Variants in ALDH3A1 observed in about 807,000 individuals in gnomAD.
ALDH3A1 encodes aldehyde dehydrogenase, dimeric NADP-preferring.
A neutral mutation model predicts 49.9 loss-of-function variants in ALDH3A1; 46 were observed. The observed-to-expected ratio is 0.92, with a 90% CI of 0.73 to 1.18. ALDH3A1 has a LOEUF of 1.18. ALDH3A1 is among the 50% of genes most tolerant of loss of function. The pLI, the probability that ALDH3A1 is intolerant of heterozygous loss-of-function variation, is 0.00. For synonymous variants in ALDH3A1, 269 were observed against 253.3 expected (o/e 1.06, Z -0.59); for missense variants, 592 against 611.8 (o/e 0.97, Z 0.34).
chr17:19,745,135 C>G lies in ALDH3A1; in HGVS notation c.-5-1G>C, dbSNP rs750078082. 3 of 1,570,686 alleles carry G rather than the reference C, an allele frequency of 1.9e-6. No individual in the cohort carries two copies. In the South Asian group the frequency reaches 3.4e-5, roughly 18 times the overall value. ...GCCTCGCTGATCTTGCTCATGGCGC[C>G]TGGGGACAGAGAGCACCTGCAGCTG... On this transcript the variant is annotated splice_acceptor_variant, in intron 1 of 10. Transcript: ENST00000225740. LOFTEE classifies it low-confidence loss of function (5UTR_SPLICE).
Position 19,742,626 on chromosome 17 carries a change from G to A in ALDH3A1, c.399C>T (p.Asn133=), listed in dbSNP as rs200801296. 208 of 1,613,908 alleles carry A rather than the reference G, an allele frequency of 1.3e-4. No individual in the cohort carries two copies. Among genetic ancestry groups the A allele is most frequent in the Non-Finnish European group, 1.6e-4 (191 of 1,179,996 alleles). The part of the protein sequence containing the change: ...QPMVGAIAAG[N]SVVLKPSELS... The stretch of plus-strand genomic sequence containing the variant: ...GCTCCGAGGGCTTGAGGACCACTGA[G>A]TTCCCTGCAGAGCACACCGAGCCAG... The change falls in exon 4 of 11, where the codon AAC becomes AAT. Residue 133 remains asparagine, a synonymous_variant. Transcript: ENST00000225740.
rs201715060 is a variant in ALDH3A1 at position 19,743,188 on chromosome 17, G to T, written c.394+44C>A. On this transcript the variant is annotated intron_variant, in intron 3 of 10. Transcript: ENST00000225740. The surrounding 1 kb of genome is among the most constrained non-coding windows in gnomAD (Gnocchi z 4.4). Reference sequence around the variant, plus strand: ...CCCATCCTGGCTTGGCTCCACGCTGGGGGACGGTGCTCCCCCAGCTTCCCT... The same window carrying T: ...CCCATCCTGGCTTGGCTCCACGCTGTGGGACGGTGCTCCCCCAGCTTCCCT... 12 of 1,608,958 alleles carry T rather than the reference G, an allele frequency of 7.5e-6. No individual in the cohort carries two copies. The highest frequency in any genetic ancestry group is 1.1e-5 in the South Asian group (1 of 90,596).
chr17:19,745,820 G>A (rs1486003325), intron 1 of ALDH3A1: 1 of 152,262 alleles, frequency 6.6e-6, no homozygotes, highest in African/African-American at 2.4e-5. Context: ...TGTGGCAAAA[G>A]TTTTTCAAAC....
Position 19,739,661 on chromosome 17 carries a change from G to A in ALDH3A1, c.963C>T (p.Leu321=), listed in dbSNP as rs151020632. The change falls in exon 8 of 11, where the codon CTC becomes CTT. Residue 321 remains leucine (L), a synonymous_variant. Transcript: ENST00000225740. ...AATRYIAPTI[L]TDVDPQSPVM... ...CCGGGGACTGGGGGTCCACGTCCGT[G>A]AGGATGGTGGGGGCTGAGGCAGGAA... 1.5e-4 allele frequency: 241 copies of A among 1,613,618 alleles called. 1 individual carries two copies. Among genetic ancestry groups the A allele is most frequent in the Admixed American group, 2.8e-4 (17 of 59,982 alleles).
At chr17:19,745,291 G>T in intron 1 of ALDH3A1, 157 bp from the exon 2 acceptor site, 2 of 763,282 alleles carry the variant, frequency 2.6e-6, no homozygotes, top group Non-Finnish European at 3.9e-6. Context: ...CTCCTCTCCC[G>T]CCCCTCACTC....
At chr17:19,740,674 A>G (rs1425075175) in intron 6 of ALDH3A1, among the ~76,000 whole-genome samples, 197 bp from the exon 7 acceptor site, 1 of 151,782 alleles carries the variant, frequency 6.6e-6, no homozygotes, top group East Asian at 1.9e-4. Flanking sequence ...TCTTAGAGAC[A>G]GGGTCTTGTT....
chr17:19,746,726 C>CGTGTGTGT (rs2086606164), intron 1 of ALDH3A1, among the ~76,000 whole-genome samples: 1 of 147,194 alleles, frequency 6.8e-6, no homozygotes, highest in African/African-American at 2.5e-5. Context: ...CGTGTGTGTG[C>CGTGTGTGT]GCGCGTGTGC....
rs1333180783 is a variant in ALDH3A1 at position 19,746,262 on chromosome 17, A to T, written c.-5-1128T>A. ...AAATTATCTGGGAGTGGTGGCAGGC[A>T]CCTGTAGTCCCAGCTACTTGGGAGG... On this transcript the variant is annotated intron_variant, in intron 1 of 10. Transcript: ENST00000225740. Among the ~76,000 whole-genome samples, 3 of 152,090 alleles carry T rather than the reference A, an allele frequency of 2.0e-5. No individual in the cohort carries two copies. The East Asian group carries it at 5.8e-4, about 29-fold the overall frequency.
At chr17:19,746,104 G>C (rs893512053) in intron 1 of ALDH3A1, among the ~76,000 whole-genome samples, 4 of 152,242 alleles carry the variant, frequency 2.6e-5, no homozygotes, top group African/African-American at 9.6e-5. Context: ...CAGGTTACAG[G>C]CCGGGCGCGG....
At chr17:19,739,210 A>G in intron 8 of ALDH3A1, 115 bp from the exon 9 acceptor site, 1 of 975,092 alleles carries the variant, frequency 1.0e-6, no homozygotes, top group Non-Finnish European at 1.5e-6. Context: ...AGGTGGAGGC[A>G]GAGCCTTAGC....
chr17:19,746,666 T>TGC (rs1197485212), intron 1 of ALDH3A1, among the ~76,000 whole-genome samples: 1 of 146,152 alleles, frequency 6.8e-6, no homozygotes, highest in Admixed American at 6.8e-5. Flanking sequence ...TGTGTGTGTG[T>TGC]GCGTGTGTGT....
rs756617469 is a variant in ALDH3A1 at position 19,743,793 on chromosome 17, G to A, written c.163-330C>T. On this transcript the variant is annotated intron_variant, in intron 2 of 10. Transcript: ENST00000225740. This position sits in a 1 kb window ranked among gnomAD's most constrained non-coding sequence, Gnocchi z 4.4. ...AGGGGAGAGTAGATTCAGGCAGTGGGAATGGATCCGGGGAGGGGGGGATGG... is the reference window on the plus strand; with the variant it reads ...AGGGGAGAGTAGATTCAGGCAGTGGAAATGGATCCGGGGAGGGGGGGATGG... 634 of 900,108 alleles carry A rather than the reference G, an allele frequency of 7.0e-4. No homozygotes were observed. Among genetic ancestry groups the A allele is most frequent in the Non-Finnish European group, 7.9e-4 (598 of 756,796 alleles). The allele number at this position is 900,108 out of a possible 1,614,324, so 55.8% of individuals were successfully genotyped here. A position where few individuals can be genotyped will look rare whatever the true frequency, so the allele number is the denominator to read the frequency against.
At chr17:19,738,292 G>A (rs761724950) in intron 10 of ALDH3A1, 31 bp downstream of exon 10, 42 of 1,613,698 alleles carry the variant, frequency 2.6e-5, no homozygotes, top group East Asian at 1.1e-4. Flanking sequence ...CGCACAGCCC[G>A]GTCTCCCCCA....
In ALDH3A1 at chr17:19,742,582, C is replaced by T. The variant is rs774533268; in HGVS notation, c.443G>A (p.Ser148Asn). 111 of 1,613,890 alleles carry T rather than the reference C, an allele frequency of 6.9e-5. No individual in the cohort carries two copies. The highest frequency in any genetic ancestry group is 9.2e-5 in the Non-Finnish European group (109 of 1,180,004). The change falls in exon 4 of 11, where the codon AGC becomes AAC. Residue 148 changes from serine to asparagine, a missense_variant. By Grantham distance (46) the Ser-to-Asn change is conservative. Transcript: ENST00000225740. ...KPSELSENMA[S>N]LLATIIPQYL... ...CTGGGGGATGATGGTAGCCAGCAGG[C>T]TCGCCATGTTCTCACTCAGCTCCGA...
chr17:19,741,589 G>A (rs975285034), intron 5 of ALDH3A1, among the ~76,000 whole-genome samples: 1 of 152,158 alleles, frequency 6.6e-6, no homozygotes, highest in Non-Finnish European at 1.5e-5. Flanking sequence ...TACGGGTTCT[G>A]CCCCAGACCC....
chr17:19,742,402 A>C (rs1481278975), intron 4 of ALDH3A1, 143 bp downstream of exon 4: 7 of 1,110,436 alleles, frequency 6.3e-6, no homozygotes, highest in Non-Finnish European at 7.7e-6. Context: ...CCAATGAGAG[A>C]GGGCAGCTGC....
Position 19,741,163 on chromosome 17 carries a change from G to A in ALDH3A1, c.737C>T (p.Ala246Val). 6.2e-7 allele frequency: 1 copy of A among 1,614,034 alleles called. No homozygotes were observed. The highest frequency in any genetic ancestry group is 1.3e-5 in the African/African-American group (1 of 75,026). Residue 246 changes from alanine to valine, a missense_variant, in exon 6 of 11, where the codon GCC becomes GTC. By Grantham distance (64) the Ala-to-Val change is moderately conservative. Coordinates refer to ENST00000225740, the MANE Select transcript of ALDH3A1 (RefSeq NM_000691.5). ...GGGGTCACAGAGGATGTAGTCAGGG[G>A]CCACGCAGGTCTGGCCACTGTTCAT... ...KFMNSGQTCVAPDYILCDPSI... is the reference protein window; with the variant it reads ...KFMNSGQTCVVPDYILCDPSI...
chr17:19,741,485 G>C, intron 5 of ALDH3A1: 1 of 402,342 alleles, frequency 2.5e-6, no homozygotes, highest in Non-Finnish European at 4.6e-6. Context: ...GCACAGCCAG[G>C]TGTCACTGCT....
At chr17:19,742,768 CAT>C (rs758637333) in intron 3 of ALDH3A1, 138 bp from the exon 4 acceptor site, 25 of 1,543,588 alleles carry the variant, frequency 1.6e-5, no homozygotes, top group African/African-American at 2.7e-5. Flanking sequence ...CAAACAAGCA[CAT>C]GTCACGGGGC....
Sources: gnomAD v4.1 joint callset for allele counts (sites outside exome capture counted in the v4.1 genomes callset) on GRCh38, gnomAD v4.1.1 for gene constraint, Gnocchi (gnomAD v3.1) non-coding constraint, MANE v1.5 for transcripts, NCBI Gene and HGNC (gene_info 2026-07-23, HGNC 2026-07-21) for gene names.